The following ZNF431 variants were observed in gnomAD, a reference collection of about 807,000 sequenced individuals.
The protein encoded by ZNF431 is zinc finger protein 431.
A neutral mutation model predicts 57.0 loss-of-function variants in ZNF431; 34 were observed. The ratio of observed to expected loss-of-function variants is 0.60; its 90% CI spans 0.45 to 0.79. The LOEUF (loss-of-function observed/expected upper bound fraction) is 0.79. Among genes scored for constraint, ZNF431 ranks in the 30% least tolerant of loss-of-function variants. ZNF431 has a pLI of 0.00. For synonymous variants in ZNF431, 207 were observed against 220.3 expected (o/e 0.94, Z 0.54); for missense variants, 607 against 667.1 (o/e 0.91, Z 0.99).
rs1971253624 is a variant in ZNF431 at position 21,183,021 on chromosome 19, G to A, written c.718G>A (p.Ala240Thr). The change falls in exon 5 of 5, where the codon GCT (alanine) becomes ACT (threonine). Residue 240 changes from alanine (A) to threonine (T), a missense_variant. Transcript: ENST00000311048. ...NSYQCEECGK[A>T]FKWFSTLTRH... ...TTACCAATGTGAAGAATGTGGCAAA[G>A]CTTTTAAATGGTTCTCAACCCTTAC... is the stretch of plus-strand genomic sequence containing the variant. 3 of 1,614,002 alleles carry A rather than the reference G, an allele frequency of 1.9e-6. No individual in the cohort carries two copies. Among genetic ancestry groups the A allele is most frequent in the Middle Eastern group, 1.6e-4 (1 of 6,084 alleles).
chr19:21,175,169 G>C (rs1488721112), intron 4 of ZNF431, among the ~76,000 whole-genome samples: 7 of 152,138 alleles, frequency 4.6e-5, no homozygotes, highest in African/African-American at 1.4e-4. Context: ...TCTCATTTCA[G>C]TTTCTTGAGT....
intron 2 of ZNF431, among the ~76,000 whole-genome samples, chr19:21,157,201 C>T (rs932740680): frequency 6.6e-6 from 1 of 152,074 alleles, no homozygotes; most frequent in African/African-American, 2.4e-5. Context: ...GCAGTGGTAC[C>T]GTCTCACCTC....
chr19:21,177,051 A>G (rs1418728590), intron 4 of ZNF431, among the ~76,000 whole-genome samples: 1 of 152,052 alleles, frequency 6.6e-6, no homozygotes, highest in African/African-American at 2.4e-5. Flanking sequence ...CCCATTTGTC[A>G]ATGTTTGCTT....
intron 4 of ZNF431, among the ~76,000 whole-genome samples, chr19:21,173,948 GT>G (rs965127834): frequency 6.7e-6 from 1 of 148,430 alleles, no homozygotes; most frequent in Non-Finnish European, 1.5e-5. Context: ...TCTTTCTTTG[GT>G]TTTTTTTCTT....
At chr19:21,166,840 A>G (rs375854183) in intron 3 of ZNF431, among the ~76,000 whole-genome samples, 99 of 152,240 alleles carry the variant, frequency 6.5e-4, no homozygotes, top group African/African-American at 2.3e-3. Flanking sequence ...CTCTTTAATC[A>G]GTATTTTCAG....
At position 21,195,430 on chromosome 19, in the gene ZNF431, T is replaced by C. The variant is rs1164698917; in HGVS notation, c.*11396T>C. 1 of 152,230 alleles carries C rather than the reference T, an allele frequency of 6.6e-6. No individual in the cohort carries two copies. Among genetic ancestry groups the C allele is most frequent in the Non-Finnish European group, 1.5e-5 (1 of 68,048 alleles). The allele number at this position is 152,230 out of a possible 1,614,324, so 9.4% of individuals were successfully genotyped here. ...GTCAACAGTTTCACTTCCAACTTTT[T>C]TAAAAGATACACAATTTTCTAAAAA... is the stretch of plus-strand genomic sequence containing the variant. On this transcript the variant is annotated 3_prime_UTR_variant, in exon 5 of 5. Transcript: ENST00000311048.
rs1190697088 is a variant in ZNF431 at position 21,185,188 on chromosome 19, T to G, written c.*1154T>G. On this transcript the variant is annotated 3_prime_UTR_variant, in exon 5 of 5. Coordinates refer to ENST00000311048, the MANE Select transcript of ZNF431 (RefSeq NM_133473.4). ...GTACTGACACTTCAGATATACTAAATCAGAGTGCTAAGTATAGAAAATCTG... is the reference window on the plus strand; with the variant it reads ...GTACTGACACTTCAGATATACTAAAGCAGAGTGCTAAGTATAGAAAATCTG... The G allele has an allele frequency of 2.6e-5, 4 of 152,200 alleles. No homozygotes were observed. The highest frequency in any genetic ancestry group is 4.4e-5 in the Non-Finnish European group (3 of 68,034). The allele number at this position is 152,200 out of a possible 1,614,324, so 9.4% of individuals were successfully genotyped here.
At chr19:21,175,792 A>G (rs1452793412) in intron 4 of ZNF431, among the ~76,000 whole-genome samples, 1 of 152,202 alleles carries the variant, frequency 6.6e-6, no homozygotes, top group Non-Finnish European at 1.5e-5. Context: ...TCTATGGTGC[A>G]TATGTACCAC....
intron 2 of ZNF431, among the ~76,000 whole-genome samples, chr19:21,156,369 T>C (rs1026646963): frequency 6.6e-6 from 1 of 152,126 alleles, no homozygotes; most frequent in Non-Finnish European, 1.5e-5. Flanking sequence ...TGGATTTTTT[T>C]TTTCTTTTAA....
chr19:21,166,911 G>T (rs1039646453), intron 3 of ZNF431, among the ~76,000 whole-genome samples: 9 of 152,012 alleles, frequency 5.9e-5, no homozygotes, highest in Non-Finnish European at 1.2e-4. Context: ...CACCCAGGCC[G>T]GAGTGCAATG....
intron 2 of ZNF431, among the ~76,000 whole-genome samples, chr19:21,162,235 A>G (rs1970592879): frequency 6.6e-6 from 1 of 151,546 alleles, no homozygotes; most frequent in Admixed American, 6.6e-5. Flanking sequence ...ATGCAGTGGC[A>G]TGATCTTGGC....
chr19:21,182,052 A>C (rs1000917254), intron 4 of ZNF431, among the ~76,000 whole-genome samples: 1 of 151,622 alleles, frequency 6.6e-6, no homozygotes, highest in Non-Finnish European at 1.5e-5. Flanking sequence ...TTTCATCTTA[A>C]TCAGCAGTCA....
chr19:21,149,301 A>T (rs536278220), intron 2 of ZNF431, among the ~76,000 whole-genome samples: 1 of 152,182 alleles, frequency 6.6e-6, no homozygotes, highest in Admixed American at 6.5e-5. Context: ...ATATTTGGTA[A>T]ATCTAATATG....
chr19:21,154,639 G>A (rs1048126304), intron 2 of ZNF431, among the ~76,000 whole-genome samples: 3 of 152,074 alleles, frequency 2.0e-5, no homozygotes, highest in Non-Finnish European at 4.4e-5. Flanking sequence ...CCCACCAACA[G>A]TGTAAAAGTG....
intron 2 of ZNF431, among the ~76,000 whole-genome samples, chr19:21,144,085 G>A (rs984563014): frequency 6.6e-6 from 1 of 150,928 alleles, no homozygotes; most frequent in African/African-American, 2.4e-5. Context: ...ACACACATTT[G>A]TTTTTTAATC....
intron 2 of ZNF431, among the ~76,000 whole-genome samples, chr19:21,162,293 C>G (rs2144979588): frequency 6.6e-6 from 1 of 152,130 alleles, no homozygotes; most frequent in Non-Finnish European, 1.5e-5. Context: ...CCTGCTGCAG[C>G]CTCCTGAGTA....
rs561391800 is a variant in ZNF431 at position 21,156,432 on chromosome 19, TGTGTCATGGGAGTTTG to T, written c.97-9898_97-9883del. Among the ~76,000 whole-genome samples the T allele has an allele frequency of 4.6e-5, 7 of 152,282 alleles. No homozygotes were observed. The South Asian group carries it at 8.3e-4, about 18-fold the overall frequency. On this transcript the variant is annotated intron_variant, in intron 2 of 4. Transcript: ENST00000311048. ...TGCAGCTTTGTTATATAGGTAAAAT[TGTGTCATGGGAGTTTG>T]GTGTAGATTGTTTTGTCACTGAGGT...
rs1009884293 is a variant in ZNF431, at chr19:21,193,750, A to G, written c.*9716A>G. On this transcript the variant is annotated 3_prime_UTR_variant, in exon 5 of 5. Transcript: ENST00000311048. The stretch of plus-strand genomic sequence containing the variant: ...AGGATGTTTCATCATATACAAGTCA[A>G]TAAGTGTGTTTCACCATACAATTAA... 6.6e-6 allele frequency: 1 copy of G among 152,234 alleles called. No individual in the cohort carries two copies. Among genetic ancestry groups the G allele is most frequent in the Admixed American group, 6.5e-5 (1 of 15,274 alleles). The allele number at this position is 152,234 out of a possible 1,614,324, so 9.4% of individuals were successfully genotyped here.
intron 2 of ZNF431, among the ~76,000 whole-genome samples, chr19:21,165,112 T>C (rs1342858722): frequency 6.6e-6 from 1 of 151,576 alleles, no homozygotes; most frequent in Non-Finnish European, 1.5e-5. Context: ...AAAAAAAATG[T>C]TTTCCTATGC....
Sources: allele counts gnomAD v4.1 joint callset (sites outside exome capture counted in the v4.1 genomes callset), GRCh38; gene constraint gnomAD v4.1.1; transcripts MANE v1.5; gene names NCBI Gene and HGNC (gene_info 2026-07-23, HGNC 2026-07-21).